FNDC3B: variants seen among roughly 807,000 people sequenced by gnomAD.
FNDC3B encodes the protein fibronectin type III domain containing 3B.
Under a neutral mutation model 151.5 loss-of-function variants are expected in FNDC3B, and 12 were observed. The ratio of observed to expected loss-of-function variants is 0.08; its 90% CI spans 0.05 to 0.13. The LOEUF (loss-of-function observed/expected upper bound fraction) is 0.13. Among genes scored for constraint, FNDC3B ranks in the 10% least tolerant of loss-of-function variants. The pLI is 1.00. For synonymous variants in FNDC3B, 528 were observed against 549.0 expected (o/e 0.96, Z 0.54); for missense variants, 1,214 against 1,505.3 (o/e 0.81, Z 3.20).
At chr3:172,167,520 A>G (rs967024106) in intron 3 of FNDC3B, among the ~76,000 whole-genome samples, 3 of 152,228 alleles carry the variant, frequency 2.0e-5, no homozygotes, top group Non-Finnish European at 2.9e-5. Flanking sequence ...TTTGCCTAAG[A>G]TAACATCGCT....
intron 1 of FNDC3B, among the ~76,000 whole-genome samples, chr3:172,110,767 A>G (rs919514541): frequency 1.3e-5 from 2 of 152,076 alleles, no homozygotes; most frequent in African/African-American, 2.4e-5. Flanking sequence ...CCTTATACTC[A>G]GACCCCCTAA....
At chr3:172,178,931 A>C (rs749850615) in intron 3 of FNDC3B, among the ~76,000 whole-genome samples, 3 of 152,178 alleles carry the variant, frequency 2.0e-5, no homozygotes, top group Non-Finnish European at 4.4e-5. Flanking sequence ...CTGCCTTGTG[A>C]TTAAATATGA....
intron 25 of FNDC3B, among the ~76,000 whole-genome samples, chr3:172,385,359 C>T (rs748585088): frequency 7.2e-5 from 11 of 152,084 alleles, no homozygotes; most frequent in Non-Finnish European, 1.5e-4. Context: ...CCCACTAATA[C>T]GTGGGCTTGT....
At chr3:172,395,829 G>C (rs1158954111) in intron 25 of FNDC3B, among the ~76,000 whole-genome samples, 1 of 152,210 alleles carries the variant, frequency 6.6e-6, no homozygotes, top group Non-Finnish European at 1.5e-5. Flanking sequence ...CACGTGAAAA[G>C]ATGCGCAGCA....
At chr3:172,178,445 CAT>C (rs34037082) in intron 3 of FNDC3B, among the ~76,000 whole-genome samples, 4,627 of 152,172 alleles carry the variant, frequency 0.03, 79 homozygotes, top group Middle Eastern at 0.078. Context: ...GAGAAGATCA[CAT>C]GTTTTACTTA....
intron 1 of FNDC3B, among the ~76,000 whole-genome samples, chr3:172,090,207 G>C (rs1718744179): frequency 6.6e-6 from 1 of 152,154 alleles, no homozygotes; most frequent in Non-Finnish European, 1.5e-5. Context: ...TTGTTACTGA[G>C]AAAACTTGAG....
At chr3:172,069,384 G>A (rs114274766) in intron 1 of FNDC3B, among the ~76,000 whole-genome samples, 57 of 152,280 alleles carry the variant, frequency 3.7e-4, no homozygotes, top group Middle Eastern at 6.8e-3. Context: ...CTGCTTTTAC[G>A]TGGCTAGAGC....
chr3:172,329,108 G>C (rs199686506), intron 12 of FNDC3B, 32 bp downstream of exon 12: 36 of 1,582,266 alleles, frequency 2.3e-5, no homozygotes, highest in Non-Finnish European at 2.9e-5. Context: ...TTGCCCTTCA[G>C]CCTTTGGATG....
At chr3:172,178,654 G>A (rs994386976) in intron 3 of FNDC3B, among the ~76,000 whole-genome samples, 1 of 152,190 alleles carries the variant, frequency 6.6e-6, no homozygotes, top group Non-Finnish European at 1.5e-5. Flanking sequence ...ACACTCAGCC[G>A]GGGCATCCCT....
At chr3:172,380,414 C>T (rs1446205283) in intron 24 of FNDC3B, among the ~76,000 whole-genome samples, 1 of 152,040 alleles carries the variant, frequency 6.6e-6, no homozygotes, top group Non-Finnish European at 1.5e-5. Flanking sequence ...CAATGCTGCC[C>T]ATTCCCCAGG....
chr3:172,220,282 G>C (rs754856164), intron 3 of FNDC3B, among the ~76,000 whole-genome samples: 2 of 152,084 alleles, frequency 1.3e-5, no homozygotes, highest in African/African-American at 2.4e-5. Flanking sequence ...ATCTTCTTAT[G>C]TGTGTGCATG....
At chr3:172,333,545 C>T (rs1307646010) in intron 14 of FNDC3B, among the ~76,000 whole-genome samples, 1 of 145,526 alleles carries the variant, frequency 6.9e-6, no homozygotes, top group Non-Finnish European at 1.5e-5. Flanking sequence ...GGGGTTTCAC[C>T]ATGTTGGCCA....
chr3:172,084,661 T>G (rs1050713198), intron 1 of FNDC3B, among the ~76,000 whole-genome samples: 2 of 152,266 alleles, frequency 1.3e-5, no homozygotes, highest in African/African-American at 4.8e-5. Flanking sequence ...CTTTATTTTA[T>G]GGATAACGAA....
At chr3:172,304,717 T>G (rs536660023) in intron 9 of FNDC3B, among the ~76,000 whole-genome samples, 2 of 152,036 alleles carry the variant, frequency 1.3e-5, no homozygotes, top group Non-Finnish European at 2.9e-5. Flanking sequence ...GCCAACGTGG[T>G]GAAACCCCCA....
At chr3:172,258,496 A>G (rs1332129966) in intron 6 of FNDC3B, among the ~76,000 whole-genome samples, 1 of 152,220 alleles carries the variant, frequency 6.6e-6, no homozygotes, top group Admixed American at 6.5e-5. Context: ...CCCCCAAAGC[A>G]GCAAGAAAGT....
intron 18 of FNDC3B, 32 bp downstream of exon 18, chr3:172,343,148 C>T (rs748294293): frequency 3.0e-5 from 32 of 1,078,038 alleles, no homozygotes; most frequent in Middle Eastern, 2.0e-4. Flanking sequence ...TTGACATTGA[C>T]AATTTGGACA....
rs541490894 is a variant in FNDC3B at position 172,203,984 on chromosome 3, G to A, written c.188-22887G>A. Among the ~76,000 whole-genome samples, 7 of 152,316 alleles carry A rather than the reference G, an allele frequency of 4.6e-5. No individual in the cohort carries two copies. In the South Asian group the frequency reaches 1.2e-3, roughly 27 times the overall value. The stretch of plus-strand genomic sequence containing the variant: ...TTGTCCCAAAGTGGTGTTGGAGTCT[G>A]AAAGAAGGGCCGCCAGCGTCTCGTT... On this transcript the variant is annotated intron_variant, in intron 3 of 25. Coordinates refer to ENST00000415807, the MANE Select transcript of FNDC3B (RefSeq NM_022763.4).
At chr3:172,202,171 A>G (rs1017468456) in intron 3 of FNDC3B, among the ~76,000 whole-genome samples, 3 of 152,222 alleles carry the variant, frequency 2.0e-5, no homozygotes, top group African/African-American at 7.2e-5. Context: ...ACTTGAAGTT[A>G]CATCATCTAG....
intron 2 of FNDC3B, among the ~76,000 whole-genome samples, chr3:172,124,918 CA>C (rs1720736596): frequency 6.6e-6 from 1 of 152,304 alleles, no homozygotes; most frequent in African/African-American, 2.4e-5. Context: ...TGTAAGGCGG[CA>C]GTCATCTTTA....
Sources: allele counts gnomAD v4.1 joint callset (sites outside exome capture counted in the v4.1 genomes callset), GRCh38; gene constraint gnomAD v4.1.1; transcripts MANE v1.5; gene names NCBI Gene and HGNC (gene_info 2026-07-23, HGNC 2026-07-21).